Variants in CCBE1 observed in about 807,000 individuals in gnomAD.
CCBE1 encodes collagen and calcium binding EGF domains 1.
CCBE1 carries 37 observed loss-of-function variants against 50.0 expected under a neutral mutation model. That is an observed-to-expected ratio of 0.74 (90% confidence interval 0.57 to 0.97). The LOEUF is 0.97. Ranked by LOEUF, CCBE1 falls within the 50% of genes least tolerant of loss-of-function variation. CCBE1 has a pLI of 0.00. For synonymous variants in CCBE1, 234 were observed against 203.7 expected (o/e 1.15, Z -1.27); for missense variants, 538 against 523.8 (o/e 1.03, Z -0.26).
At chr18:59,509,160 C>T (rs372446107) in intron 2 of CCBE1, among the ~76,000 whole-genome samples, 184 of 152,250 alleles carry the variant, frequency 1.2e-3, no homozygotes, top group African/African-American at 4.1e-3. Flanking sequence ...CTAATGTCCT[C>T]GACAGACAGA....
chr18:59,436,009 A>G lies in CCBE1; in HGVS notation c.1120T>C (p.Phe374Leu), dbSNP rs778249985. 9.9e-6 allele frequency: 16 copies of G among 1,614,124 alleles called. No homozygotes were observed. Among genetic ancestry groups the G allele is most frequent in the Non-Finnish European group, 1.4e-5 (16 of 1,180,026 alleles). The change falls in exon 11 of 11, where the codon TTT becomes CTT. Residue 374 changes from phenylalanine to leucine, a missense_variant. Phe to Leu is a conservative substitution (Grantham distance 22). Coordinates refer to ENST00000439986, the MANE Select transcript of CCBE1 (RefSeq NM_133459.4). ...SAEEFPLPQEFPSYPEAMDLG... is the reference protein window; with the variant it reads ...SAEEFPLPQELPSYPEAMDLG... ...TCCATGGCTTCTGGGTAGCTGGGAA[A>G]TTCCTGAGGTAAAGGGAACTCCTCT...
chr18:59,554,792 C>T (rs144101229), intron 2 of CCBE1, among the ~76,000 whole-genome samples: 283 of 152,284 alleles, frequency 1.9e-3, no homozygotes, highest in African/African-American at 6.5e-3. Flanking sequence ...CCAGCCTCCT[C>T]CAGCCAGACA....
chr18:59,657,289 G>A (rs2054203502), intron 2 of CCBE1, among the ~76,000 whole-genome samples: 1 of 152,200 alleles, frequency 6.6e-6, no homozygotes, highest in African/African-American at 2.4e-5. Flanking sequence ...CGGAGAGGTG[G>A]TTCCACAGTG....
At chr18:59,574,719 A>G (rs2052966865) in intron 2 of CCBE1, among the ~76,000 whole-genome samples, 1 of 152,168 alleles carries the variant, frequency 6.6e-6, no homozygotes, top group Non-Finnish European at 1.5e-5. Flanking sequence ...GCTTTGTTAC[A>G]TAGGTCTTGT....
chr18:59,585,227 T>A (rs1016484861), intron 2 of CCBE1, among the ~76,000 whole-genome samples: 1 of 152,160 alleles, frequency 6.6e-6, no homozygotes, highest in Non-Finnish European at 1.5e-5. Flanking sequence ...CCCCTTCTGA[T>A]GCCACCTCTA....
chr18:59,682,226 G>A (rs2054599598), intron 2 of CCBE1, among the ~76,000 whole-genome samples: 1 of 152,178 alleles, frequency 6.6e-6, no homozygotes, highest in Non-Finnish European at 1.5e-5. Context: ...GCTGAGAGTG[G>A]TGGCATGCAC....
At chr18:59,657,882 C>G (rs1370582335) in intron 2 of CCBE1, among the ~76,000 whole-genome samples, 1 of 150,436 alleles carries the variant, frequency 6.6e-6, no homozygotes, top group Non-Finnish European at 1.5e-5. Context: ...CAACAACAAA[C>G]AACAACAAAC....
At chr18:59,623,004 G>C (rs972327239) in intron 2 of CCBE1, among the ~76,000 whole-genome samples, 1 of 151,962 alleles carries the variant, frequency 6.6e-6, no homozygotes, top group African/African-American at 2.4e-5. Context: ...AAACTAACAT[G>C]AACTATGTAG....
intron 7 of CCBE1, among the ~76,000 whole-genome samples, chr18:59,444,399 A>T (rs949149096): frequency 6.6e-6 from 1 of 151,808 alleles, no homozygotes; most frequent in Non-Finnish European, 1.5e-5. Context: ...AAGCCTCCTG[A>T]TATGTTTAAT....
At chr18:59,499,519 G>A (rs1913515577) in intron 2 of CCBE1, among the ~76,000 whole-genome samples, 1 of 152,194 alleles carries the variant, frequency 6.6e-6, no homozygotes, top group South Asian at 2.1e-4. Context: ...GGAGGAGCAA[G>A]TCATGTCTTA....
At chr18:59,660,159 CCTCT>C (rs1335754388) in intron 2 of CCBE1, among the ~76,000 whole-genome samples, 4 of 152,166 alleles carry the variant, frequency 2.6e-5, no homozygotes, top group Non-Finnish European at 5.9e-5. Context: ...GCCTGCACTC[CCTCT>C]ATCAGCCTAA....
At position 59,483,934 on chromosome 18, in the gene CCBE1, C is replaced by G. The variant is rs188883655; in HGVS notation, c.213-3696G>C. On this transcript the variant is annotated intron_variant, in intron 2 of 10. Coordinates refer to ENST00000439986, the MANE Select transcript of CCBE1 (RefSeq NM_133459.4). ...AGAAGGAAATCATCCATCCAATTTA[C>G]CAATATGAATGATGTGTGGCAGTGT... Among the ~76,000 whole-genome samples, 24 of 152,242 alleles carry G rather than the reference C, an allele frequency of 1.6e-4. No individual in the cohort carries two copies. The East Asian group carries it at 2.3e-3, about 15-fold the overall frequency.
At chr18:59,493,561 A>G (rs1349432287) in intron 2 of CCBE1, among the ~76,000 whole-genome samples, 1 of 151,708 alleles carries the variant, frequency 6.6e-6, no homozygotes, top group Non-Finnish European at 1.5e-5. Flanking sequence ...TTTTTTTAAC[A>G]GGTGAGAAGC....
At chr18:59,528,970 G>A (rs1447117660) in intron 2 of CCBE1, among the ~76,000 whole-genome samples, 4 of 152,216 alleles carry the variant, frequency 2.6e-5, no homozygotes, top group African/African-American at 9.6e-5. Context: ...CCTGCTTAAC[G>A]AAGCACTCTG....
At chr18:59,569,269 G>C (rs541380619) in intron 2 of CCBE1, among the ~76,000 whole-genome samples, 3 of 152,150 alleles carry the variant, frequency 2.0e-5, no homozygotes, top group South Asian at 4.1e-4. Context: ...GCCAGAAACC[G>C]AAGACTCCTT....
intron 2 of CCBE1, among the ~76,000 whole-genome samples, chr18:59,529,434 T>C (rs1914962223): frequency 6.6e-6 from 1 of 152,240 alleles, no homozygotes; most frequent in Non-Finnish European, 1.5e-5. Flanking sequence ...TACAGCCAAG[T>C]GGCTATGGAG....
chr18:59,541,331 G>C (rs915712770), intron 2 of CCBE1, among the ~76,000 whole-genome samples: 2 of 152,148 alleles, frequency 1.3e-5, no homozygotes, highest in Non-Finnish European at 2.9e-5. Flanking sequence ...ACAAACAGGA[G>C]AATTTCAACA....
chr18:59,533,076 G>A (rs1482627342), intron 2 of CCBE1, among the ~76,000 whole-genome samples: 1 of 152,134 alleles, frequency 6.6e-6, no homozygotes, highest in African/African-American at 2.4e-5. Flanking sequence ...TTGATCCTAA[G>A]TTCTCTTTTT....
intron 2 of CCBE1, among the ~76,000 whole-genome samples, chr18:59,660,423 C>T (rs2054267476): frequency 6.6e-6 from 1 of 152,126 alleles, no homozygotes; most frequent in Non-Finnish European, 1.5e-5. Flanking sequence ...TTTCATACTT[C>T]ATTCTCGGTG....
Sources: gnomAD v4.1 joint callset for allele counts (sites outside exome capture counted in the v4.1 genomes callset) on GRCh38, gnomAD v4.1.1 for gene constraint, MANE v1.5 for transcripts, NCBI Gene and HGNC (gene_info 2026-07-23, HGNC 2026-07-21) for gene names.